CCDC146: variants seen among roughly 807,000 people sequenced by gnomAD.
The protein encoded by CCDC146 is coiled-coil domain-containing protein 146.
CCDC146 carries 92 observed loss-of-function variants against 119.3 expected under a neutral mutation model. The observed-to-expected ratio is 0.77, with a 90% confidence interval of 0.65 to 0.92. CCDC146 has a LOEUF of 0.92. Among genes scored for constraint, CCDC146 ranks in the 40% least tolerant of loss-of-function variants. CCDC146 has a pLI of 0.00. For missense variants in CCDC146, 1,000 were observed against 1,103.0 expected, an observed-to-expected ratio of 0.91 and a Z score of 1.32; for synonymous variants, 372 against 371.8, an observed-to-expected ratio of 1.00 and a Z score of -0.01.
Position 77,278,776 on chromosome 7 carries a change from G to A in CCDC146, c.1465G>A (p.Glu489Lys). 1 of 1,611,038 alleles carries A rather than the reference G, an allele frequency of 6.2e-7. No homozygotes were observed. Among genetic ancestry groups the A allele is most frequent in the Non-Finnish European group, 8.5e-7 (1 of 1,178,820 alleles). Residue 489 changes from glutamate (E) to lysine (K), a missense_variant, in exon 12 of 19, where the codon GAA becomes AAA. By Grantham distance (56) the Glu-to-Lys change is moderately conservative. Transcript: ENST00000285871. ...GCAAAAATACACCAACATTGTTAAA[G>A]AAATGAAAGCAAAGGATCTTGAAAT... The part of the protein sequence containing the change: ...AQQKYTNIVK[E>K]MKAKDLEIRI...
At chr7:77,264,054 A>C (rs546054984) in intron 9 of CCDC146, among the ~76,000 whole-genome samples, 2 of 152,264 alleles carry the variant, frequency 1.3e-5, no homozygotes, top group Non-Finnish European at 1.5e-5. Flanking sequence ...ACTGTTATAT[A>C]TAGTATATTT....
intron 2 of CCDC146, among the ~76,000 whole-genome samples, chr7:77,192,322 G>C (rs987522549): frequency 7.9e-5 from 12 of 152,198 alleles, no homozygotes; most frequent in African/African-American, 2.9e-4. Flanking sequence ...TTTTATAATT[G>C]AAGGAACCAA....
At chr7:77,205,423 C>G (rs1015856357) in intron 2 of CCDC146, among the ~76,000 whole-genome samples, 1 of 152,156 alleles carries the variant, frequency 6.6e-6, no homozygotes, top group African/African-American at 2.4e-5. Flanking sequence ...AGAAGTTTAT[C>G]TAATATATGT....
At position 77,254,581 on chromosome 7, in the gene CCDC146, TAG is replaced by T; in HGVS notation, c.507+21_507+22del. 7.4e-7 allele frequency: 1 copy of T among 1,347,016 alleles called. No homozygotes were observed. Among genetic ancestry groups the T allele is most frequent in the Non-Finnish European group, 1.0e-6 (1 of 955,432 alleles). 83.4% of individuals were successfully genotyped at this position (1,347,016 alleles called of 1,614,324 possible). On this transcript the variant is annotated intron_variant, in intron 5 of 18. Coordinates refer to ENST00000285871, the MANE Select transcript of CCDC146 (RefSeq NM_020879.3). ...AGCCAGGAGTAAGTCTTAGATGATA[TAG>T]AGTTTCTTAAATACAGCTGGATTCA...
Position 77,259,939 on chromosome 7 carries a change from A to AGT in CCDC146, c.759-13_759-12dup, listed in dbSNP as rs58669153. On this transcript the variant is annotated intron_variant, in intron 7 of 18. Coordinates refer to ENST00000285871, the MANE Select transcript of CCDC146 (RefSeq NM_020879.3). ...GCCAGCATGGCCTCAAAATAAGGCAAGTGTGTGTGTGTGTGTGTGTGTGTG... is the reference window on the plus strand; with the variant it reads ...GCCAGCATGGCCTCAAAATAAGGCAAGTGTGTGTGTGTGTGTGTGTGTGTGTG... The AGT allele has an allele frequency of 7.5e-4, 566 of 758,026 alleles. 1 individual carries two copies. The highest frequency in any genetic ancestry group is 7.5e-4 in the African/African-American group (38 of 50,940). 47.0% of individuals were successfully genotyped at this position (758,026 alleles called of 1,614,324 possible).
chr7:77,129,595 G>A (rs1157167204), intron 1 of CCDC146, among the ~76,000 whole-genome samples: 2 of 152,012 alleles, frequency 1.3e-5, no homozygotes, highest in Non-Finnish European at 1.5e-5. Context: ...ATCCACTGGG[G>A]ATCTTGGAAC....
chr7:77,294,853 C>T lies in CCDC146; in HGVS notation c.2855C>T (p.Pro952Leu), dbSNP rs199921522. Residue 952 changes from proline (P) to leucine (L), a missense_variant, in exon 19 of 19, where the codon CCA (proline) becomes CTA (leucine). Around this residue, in one of 2 missense-constraint regions of CCDC146, gnomAD observed 985 missense variants for 1,045.3 expected, o/e 0.94. Transcript: ENST00000285871. ...MRHIRKPVIK[P>L]VEI ...CACATAAGGAAACCTGTTATAAAGC[C>T]AGTTGAAATCTGAATATGTGAACAA... The T allele has an allele frequency of 5.0e-6, 8 of 1,613,574 alleles. No homozygotes were observed. In the South Asian group the frequency reaches 5.5e-5, roughly 11 times the overall value.
intron 2 of CCDC146, among the ~76,000 whole-genome samples, chr7:77,236,220 T>C (rs1477254228): frequency 1.3e-5 from 2 of 152,220 alleles, no homozygotes; most frequent in East Asian, 3.8e-4. Flanking sequence ...GGTAAAACTT[T>C]AGTGTTTGAC....
chr7:77,279,845 T>C (rs2150546023), intron 13 of CCDC146, among the ~76,000 whole-genome samples: 1 of 152,346 alleles, frequency 6.6e-6, no homozygotes, highest in Middle Eastern at 3.4e-3. Context: ...CCTATGTTAG[T>C]AAACAGTACA....
intron 2 of CCDC146, among the ~76,000 whole-genome samples, chr7:77,217,635 A>G (rs548656742): frequency 3.3e-5 from 5 of 152,102 alleles, no homozygotes; most frequent in Admixed American, 1.3e-4. Context: ...TAAGAAGGAT[A>G]TGTTCTGAGA....
At chr7:77,282,531 G>T (rs752245732) in intron 14 of CCDC146, 26 bp from the exon 15 acceptor site, 1 of 1,537,418 alleles carries the variant, frequency 6.5e-7, no homozygotes, top group Admixed American at 1.9e-5. Flanking sequence ...TGCCCACTTA[G>T]CCTCTGCCTC....
intron 9 of CCDC146, among the ~76,000 whole-genome samples, chr7:77,271,422 C>G (rs940243384): frequency 6.7e-6 from 1 of 149,626 alleles, no homozygotes; most frequent in Admixed American, 6.7e-5. Context: ...TGCAGATGGC[C>G]TATTGTGGGA....
chr7:77,269,251 A>G (rs1793463883), intron 9 of CCDC146, among the ~76,000 whole-genome samples: 1 of 151,898 alleles, frequency 6.6e-6, no homozygotes, highest in Non-Finnish European at 1.5e-5. Context: ...ATCATACTTT[A>G]TATTTCCTTG....
intron 13 of CCDC146, among the ~76,000 whole-genome samples, chr7:77,279,676 G>A (rs1038911613): frequency 6.6e-6 from 1 of 152,162 alleles, no homozygotes; most frequent in African/African-American, 2.4e-5. Flanking sequence ...AAGCTGCTTT[G>A]TCTCTCTGAG....
chr7:77,149,537 G>A (rs1301581469), intron 1 of CCDC146, among the ~76,000 whole-genome samples: 1 of 152,080 alleles, frequency 6.6e-6, no homozygotes, highest in African/African-American at 2.4e-5. Flanking sequence ...AAGCTGAGGT[G>A]GGTGGATAAC....
At chr7:77,287,019 C>A in intron 16 of CCDC146, 93 bp downstream of exon 16, 2 of 1,336,696 alleles carry the variant, frequency 1.5e-6, no homozygotes, top group Non-Finnish European at 2.1e-6. Flanking sequence ...TGCTGACAGA[C>A]CTATCCTTCA....
chr7:77,128,731 G>A (rs1174974576), intron 1 of CCDC146, among the ~76,000 whole-genome samples: 1 of 152,062 alleles, frequency 6.6e-6, no homozygotes, highest in African/African-American at 2.4e-5. Flanking sequence ...GGTTTCCTAA[G>A]AATAAAAGAG....
intron 10 of CCDC146, 101 bp from the exon 11 acceptor site, chr7:77,274,381 T>C (rs1793585111): frequency 1.2e-6 from 1 of 836,728 alleles, no homozygotes; most frequent in Non-Finnish European, 1.8e-6. Flanking sequence ...TTTAAAAAAA[T>C]ACATTTTGTA....
chr7:77,183,475 C>T (rs1159854179), intron 2 of CCDC146, among the ~76,000 whole-genome samples: 1 of 152,106 alleles, frequency 6.6e-6, no homozygotes, highest in Non-Finnish European at 1.5e-5. Context: ...CAATCTGATC[C>T]ATCATTTCTT....
Sources: allele counts gnomAD v4.1 joint callset (sites outside exome capture counted in the v4.1 genomes callset), GRCh38; gene constraint gnomAD v4.1.1; regional missense constraint gnomAD v4.1.1; transcripts MANE v1.5; gene names NCBI Gene and HGNC (gene_info 2026-07-23, HGNC 2026-07-21).